CAMTA1: variants seen among roughly 807,000 people sequenced by gnomAD.
CAMTA1 encodes the protein calmodulin binding transcription activator 1.
CAMTA1 carries 27 observed loss-of-function variants against 170.9 expected under a neutral mutation model. The ratio of observed to expected loss-of-function variants is 0.16; its 90% CI spans 0.12 to 0.22. The LOEUF is 0.22. Ranked by LOEUF, CAMTA1 falls within the 10% of genes least tolerant of loss-of-function variation. The pLI is 1.00. For synonymous variants in CAMTA1, 833 were observed against 891.5 expected, an observed-to-expected ratio of 0.93 and a Z score of 1.17; for missense variants, 1,619 against 2,217.2, an observed-to-expected ratio of 0.73 and a Z score of 5.42.
At position 7,435,281 on chromosome 1, in the gene CAMTA1, G is replaced by A. The variant is rs2092310377; in HGVS notation, c.439-32549G>A. 6.6e-6 allele frequency among the ~76,000 whole-genome samples: 1 copy of A among 152,080 alleles called. No individual in the cohort carries two copies. Among genetic ancestry groups the A allele is most frequent in the Non-Finnish European group, 1.5e-5 (1 of 68,018 alleles). ...GACCTGCTGAGCTCACAGTCCAGTG[G>A]GGAGATCAGGCCCCAGGCTGCCTTT... On this transcript the variant is annotated intron_variant, in intron 5 of 22. Transcript: ENST00000303635. This position sits in a 1 kb window ranked among gnomAD's most constrained non-coding sequence, Gnocchi z 4.4.
chr1:6,958,765 A>G (rs2149510449), intron 3 of CAMTA1, among the ~76,000 whole-genome samples: 1 of 152,226 alleles, frequency 6.6e-6, no homozygotes, highest in East Asian at 1.9e-4. Flanking sequence ...ATTTTTTTTA[A>G]TTAAGCTGCG....
intron 4 of CAMTA1, among the ~76,000 whole-genome samples, chr1:7,227,921 G>A (rs529678678): frequency 2.7e-5 from 4 of 145,494 alleles, no homozygotes; most frequent in East Asian, 2.1e-4. Context: ...GGGCCAAGGC[G>A]GGAGCCCCAG....
In CAMTA1 at chr1:7,455,135, G is replaced by A. The variant is rs1267915991; in HGVS notation, c.439-12695G>A. ...GAGGCACATTTGTTTTCAGGGGAAG[G>A]GGCGCTGCTGTGCAGACCCTGCTAA... is the stretch of plus-strand genomic sequence containing the variant. On this transcript the variant is annotated intron_variant, in intron 5 of 22. Transcript: ENST00000303635. This position sits in a 1 kb window ranked among gnomAD's most constrained non-coding sequence, Gnocchi z 5.0. Among the ~76,000 whole-genome samples, 1 of 152,140 alleles carries A rather than the reference G, an allele frequency of 6.6e-6. No homozygotes were observed. The highest frequency in any genetic ancestry group is 1.5e-5 in the Non-Finnish European group (1 of 68,028).
chr1:6,799,141 C>T (rs761391167), intron 1 of CAMTA1, among the ~76,000 whole-genome samples: 2 of 152,150 alleles, frequency 1.3e-5, no homozygotes, highest in African/African-American at 4.8e-5. Context: ...CATCACAGCT[C>T]ACTGCAACCT....
intron 4 of CAMTA1, among the ~76,000 whole-genome samples, chr1:7,187,821 T>C (rs186244629): frequency 1.6e-4 from 25 of 152,286 alleles, no homozygotes; most frequent in Non-Finnish European, 3.7e-4. Flanking sequence ...TTGCATGCAG[T>C]TATTTTGATA....
At chr1:6,919,505 A>G (rs948792270) in intron 3 of CAMTA1, among the ~76,000 whole-genome samples, 2 of 152,200 alleles carry the variant, frequency 1.3e-5, no homozygotes, top group Non-Finnish European at 2.9e-5. Flanking sequence ...TCTACAGGGA[A>G]TTTCAGAAAT....
In CAMTA1 at chr1:7,565,812, C is replaced by T. The variant is rs545283906; in HGVS notation, c.511-74588C>T. On this transcript the variant is annotated intron_variant, in intron 6 of 22. Coordinates refer to ENST00000303635, the MANE Select transcript of CAMTA1 (RefSeq NM_015215.4). The surrounding 1 kb of genome is among the most constrained non-coding windows in gnomAD (Gnocchi z 4.5). The stretch of plus-strand genomic sequence containing the variant: ...TAAACAGTAGACATTTACACTCTCA[C>T]AGTTCTGGAAGCTGGAGGGCCAAGA... Among the ~76,000 whole-genome samples the T allele has an allele frequency of 3.9e-5, 6 of 152,262 alleles. No individual in the cohort carries two copies. In the South Asian group the frequency reaches 8.3e-4, roughly 21 times the overall value.
chr1:7,431,433 C>G (rs760316812), intron 5 of CAMTA1, among the ~76,000 whole-genome samples: 3 of 152,180 alleles, frequency 2.0e-5, no homozygotes, highest in Non-Finnish European at 1.5e-5. Flanking sequence ...CATTTCCACC[C>G]GGGAGTACAG....
chr1:7,744,567 G>A (rs150912293), intron 16 of CAMTA1, among the ~76,000 whole-genome samples: 1 of 152,288 alleles, frequency 6.6e-6, no homozygotes, highest in East Asian at 1.9e-4. Flanking sequence ...TGAGAGTAGG[G>A]AGTACATACA....
At chr1:7,714,011 T>C (rs3121224) in intron 11 of CAMTA1, among the ~76,000 whole-genome samples, 144,061 of 152,248 alleles carry the variant, frequency 0.95, 68,627 homozygotes, top group East Asian at 1. Flanking sequence ...GATTATTGTG[T>C]TTATGGTTGA....
At chr1:7,503,877 G>C (rs1035622888) in intron 6 of CAMTA1, among the ~76,000 whole-genome samples, 1 of 152,142 alleles carries the variant, frequency 6.6e-6, no homozygotes, top group African/African-American at 2.4e-5. Flanking sequence ...AGCCACCTCC[G>C]CTGCCCCGCA....
chr1:7,613,554 C>T (rs928129996), intron 6 of CAMTA1, among the ~76,000 whole-genome samples: 5 of 152,162 alleles, frequency 3.3e-5, no homozygotes, highest in Admixed American at 6.5e-5. Context: ...GTGTTTATGG[C>T]ATGGTCCTTG....
In CAMTA1 at chr1:6,936,948, A is replaced by G. The variant is rs1193869194; in HGVS notation, c.234+111738A>G. ...GCTTGCAGTGAGCCGAGATTACGCC[A>G]CTGCACTCCAGCCTGGGCGACAGAG... On this transcript the variant is annotated intron_variant, in intron 3 of 22. Transcript: ENST00000303635. 2.0e-5 allele frequency among the ~76,000 whole-genome samples: 3 copies of G among 152,208 alleles called. No individual in the cohort carries two copies. In the East Asian group the frequency reaches 5.8e-4, roughly 29 times the overall value.
intron 3 of CAMTA1, among the ~76,000 whole-genome samples, chr1:6,845,424 G>A (rs142080333): frequency 1.4e-3 from 219 of 152,296 alleles, no homozygotes; most frequent in African/African-American, 5.1e-3. Context: ...CAGATTCAGG[G>A]AAGGGAATCC....
rs550551910 is a variant in CAMTA1 at position 7,523,685 on chromosome 1, T to C, written c.510+55784T>C. ...CAAGCTCAGGAGATCAAGACCATCC[T>C]GGCTAACACGGTGAAACCCCGTCTC... On this transcript the variant is annotated intron_variant, in intron 6 of 22. Transcript: ENST00000303635. 8.6e-5 allele frequency among the ~76,000 whole-genome samples: 13 copies of C among 150,326 alleles called. No individual in the cohort carries two copies. In the East Asian group the frequency reaches 1.6e-3, roughly 18 times the overall value.
At position 6,940,917 on chromosome 1, in the gene CAMTA1, A is replaced by ACAGGGAGGGGGG. The variant is rs1557861472; in HGVS notation, c.234+115707_234+115708insCAGGGAGGGGGG. On this transcript the variant is annotated intron_variant, in intron 3 of 22. Coordinates refer to ENST00000303635, the MANE Select transcript of CAMTA1 (RefSeq NM_015215.4). ...TGGGCACTGTGCTCACAGGCAGGGGATCCTCACAGGGAAAGGGGATCCTCA... is the reference window on the plus strand; with the variant it reads ...TGGGCACTGTGCTCACAGGCAGGGGACAGGGAGGGGGGTCCTCACAGGGAAAGGGGATCCTCA... Among the ~76,000 whole-genome samples, 6 of 6,434 alleles carry ACAGGGAGGGGGG rather than the reference A, an allele frequency of 9.3e-4. 1 individual carries two copies. The highest frequency in any genetic ancestry group is 8.6e-3 in the East Asian group (1 of 116). The allele number at this position is 6,434 out of a possible 152,430, so 4.2% of individuals were successfully genotyped here. A position where few individuals can be genotyped will look rare whatever the true frequency, so the allele number is the denominator to read the frequency against.
intron 4 of CAMTA1, among the ~76,000 whole-genome samples, chr1:7,210,711 T>A (rs1392282889): frequency 6.6e-6 from 1 of 152,248 alleles, no homozygotes; most frequent in Non-Finnish European, 1.5e-5. Context: ...TTTAGTACTC[T>A]GTACCAAATT....
At position 7,534,615 on chromosome 1, in the gene CAMTA1, G is replaced by T. The variant is rs1453374080; in HGVS notation, c.510+66714G>T. On this transcript the variant is annotated intron_variant, in intron 6 of 22. Transcript: ENST00000303635. This position sits in a 1 kb window ranked among gnomAD's most constrained non-coding sequence, Gnocchi z 5.6. Reference sequence around the variant, plus strand: ...TTGTCTGGCATGTCCTCGGCGGCACGGGCTGTGGCCGCAGAAGGCCAGCAG... The same window carrying T: ...TTGTCTGGCATGTCCTCGGCGGCACTGGCTGTGGCCGCAGAAGGCCAGCAG... Among the ~76,000 whole-genome samples, 5 of 152,286 alleles carry T rather than the reference G, an allele frequency of 3.3e-5. No homozygotes were observed. In the South Asian group the frequency reaches 6.2e-4, roughly 19 times the overall value.
intron 5 of CAMTA1, among the ~76,000 whole-genome samples, chr1:7,335,140 G>GTGTGTGTGTGTGTGT (rs781434178): frequency 3.9e-4 from 24 of 61,546 alleles, no homozygotes; most frequent in South Asian, 5.8e-4. Flanking sequence ...GTGTGTGTGT[G>GTGTGTGTGTGTGTGT]GGGGGGGGGG....
Sources: gnomAD v4.1 joint callset for allele counts (sites outside exome capture counted in the v4.1 genomes callset) on GRCh38, gnomAD v4.1.1 for gene constraint, Gnocchi (gnomAD v3.1) non-coding constraint, MANE v1.5 for transcripts, NCBI Gene and HGNC (gene_info 2026-07-23, HGNC 2026-07-21) for gene names.